Variants in NAV3 observed in about 807,000 individuals in gnomAD.
NAV3 encodes the protein neuron navigator 3.
NAV3 carries 87 observed loss-of-function variants against 244.7 expected under a neutral mutation model. The observed-to-expected ratio is 0.36, with a 90% CI of 0.30 to 0.42. The LOEUF (loss-of-function observed/expected upper bound fraction) is 0.42, where lower values mean the gene tolerates loss of function less well. Ranked by LOEUF, NAV3 falls within the 20% of genes least tolerant of loss-of-function variation. NAV3 has a pLI of 1.00. For missense variants in NAV3, 2,663 were observed against 2,893.3 expected (o/e 0.92, Z 1.83); for synonymous variants, 1,126 against 1,042.2 (o/e 1.08, Z -1.55).
chr12:77,983,059 G>A (rs547905730), intron 5 of NAV3, among the ~76,000 whole-genome samples: 92 of 152,292 alleles, frequency 6.0e-4, no homozygotes, highest in Non-Finnish European at 1.1e-3. Flanking sequence ...AGCATATAAT[G>A]AGAGAGAAGA....
intron 12 of NAV3, among the ~76,000 whole-genome samples, chr12:78,068,092 T>A (rs1885246846): frequency 6.6e-6 from 1 of 151,956 alleles, no homozygotes; most frequent in African/African-American, 2.4e-5. Flanking sequence ...ACATAAGTAT[T>A]GAGGACCTAG....
upstream of NAV3, among the ~76,000 whole-genome samples, chr12:77,827,801 T>A (rs1245476441): frequency 1.3e-5 from 2 of 152,196 alleles, no homozygotes; most frequent in Non-Finnish European, 2.9e-5. Context: ...GAATAATTAT[T>A]TTTTTACTCC....
chr12:77,637,016 G>A (rs1340218716), intron 2 of NAV3, among the ~76,000 whole-genome samples: 1 of 152,082 alleles, frequency 6.6e-6, no homozygotes, highest in East Asian at 1.9e-4. Context: ...GAGAGGGATA[G>A]CATTAGGAGA....
intron 2 of NAV3, among the ~76,000 whole-genome samples, chr12:77,794,722 G>A (rs1871329372): frequency 6.6e-6 from 1 of 152,152 alleles, no homozygotes; most frequent in Non-Finnish European, 1.5e-5. Flanking sequence ...AGATGTTGGT[G>A]ATACTCATGA....
At chr12:77,969,959 C>A (rs1006762107) in intron 5 of NAV3, among the ~76,000 whole-genome samples, 3 of 152,164 alleles carry the variant, frequency 2.0e-5, no homozygotes, top group Non-Finnish European at 2.9e-5. Flanking sequence ...AAAATATCTA[C>A]ATAGCAACAA....
At position 77,824,169 on chromosome 12, in the gene NAV3, G is replaced by A. The variant is rs575210945; in HGVS notation, c.73-116150G>A. ...GCTGACTGCAACCTCCGCCTCTCGG[G>A]TTCAAGTGATTCTCCTGTCTCAGCC... On this transcript the variant is annotated intron_variant, in intron 2 of 8. Coordinates refer to the NAV3 transcript ENST00000550042. Among the ~76,000 whole-genome samples, 73 of 151,874 alleles carry A rather than the reference G, an allele frequency of 4.8e-4. No homozygotes were observed. The Middle Eastern group carries it at 0.017, about 36-fold the overall frequency.
chr12:78,005,297 A>G (rs187786855), intron 7 of NAV3, among the ~76,000 whole-genome samples: 1 of 152,362 alleles, frequency 6.6e-6, no homozygotes, highest in East Asian at 1.9e-4. Context: ...GAGCTAGCCA[A>G]GGTTCTGAAA....
intron 2 of NAV3, among the ~76,000 whole-genome samples, chr12:77,618,931 T>C (rs996034944): frequency 2.6e-5 from 4 of 152,212 alleles, no homozygotes; most frequent in African/African-American, 4.8e-5. Flanking sequence ...TTCAGTTTCA[T>C]TGTCAGCATA....
chr12:77,712,279 A>G (rs1309342233), intron 2 of NAV3, among the ~76,000 whole-genome samples: 2 of 152,146 alleles, frequency 1.3e-5, no homozygotes, highest in Non-Finnish European at 1.5e-5. Flanking sequence ...GAAAGATTCT[A>G]CCATTTACAT....
At chr12:77,966,147 T>C (rs930653972) in intron 3 of NAV3, 82 bp from the exon 4 acceptor site, 2 of 1,129,216 alleles carry the variant, frequency 1.8e-6, no homozygotes, top group Middle Eastern at 2.1e-4. Flanking sequence ...TTCTTTATCG[T>C]TCTTTCTGGT....
chr12:77,903,736 A>G (rs973970506), intron 1 of NAV3, among the ~76,000 whole-genome samples: 1 of 152,246 alleles, frequency 6.6e-6, no homozygotes, highest in Non-Finnish European at 1.5e-5. Flanking sequence ...AATTTTTGCA[A>G]CCTACTCATC....
At chr12:77,774,269 C>T (rs531819683) in intron 2 of NAV3, among the ~76,000 whole-genome samples, 5 of 152,290 alleles carry the variant, frequency 3.3e-5, no homozygotes, top group Middle Eastern at 3.4e-3. Flanking sequence ...AAGTAAAGTG[C>T]CTTCCATTAT....
intron 2 of NAV3, among the ~76,000 whole-genome samples, chr12:77,582,109 G>T (rs79649216): frequency 0.17 from 26,557 of 152,148 alleles, 2,760 homozygotes; most frequent in Admixed American, 0.24. Context: ...TCACCAGGTT[G>T]CATCTTTTTA....
chr12:78,119,225 C>T lies in NAV3; in HGVS notation c.3041-12C>T, dbSNP rs755269635. ...TACAGGCACATATATTTGTGTATTTCTCCTTAATTAGGGAAAACCGATGAT... is the reference window on the plus strand; with the variant it reads ...TACAGGCACATATATTTGTGTATTTTTCCTTAATTAGGGAAAACCGATGAT... On this transcript the variant is annotated splice_polypyrimidine_tract_variant and intron_variant, in intron 14 of 39. Transcript: ENST00000397909. 3.1e-6 allele frequency: 5 copies of T among 1,603,116 alleles called. No homozygotes were observed. Among genetic ancestry groups the T allele is most frequent in the East Asian group, 2.2e-5 (1 of 44,818 alleles).
chr12:77,989,812 G>A (rs1871150241), intron 5 of NAV3, among the ~76,000 whole-genome samples: 1 of 152,004 alleles, frequency 6.6e-6, no homozygotes, highest in African/African-American at 2.4e-5. Flanking sequence ...GTTATACTTG[G>A]CAGATAAATT....
At chr12:77,931,156 A>G (rs1888745501) in intron 1 of NAV3, among the ~76,000 whole-genome samples, 1 of 151,798 alleles carries the variant, frequency 6.6e-6, no homozygotes, top group South Asian at 2.1e-4. Context: ...ATATTTTTCT[A>G]TTATTGCTCA....
chr12:77,620,337 T>C (rs1412048563), intron 2 of NAV3, among the ~76,000 whole-genome samples: 1 of 152,210 alleles, frequency 6.6e-6, no homozygotes, highest in Non-Finnish European at 1.5e-5. Context: ...TTTTTGATAA[T>C]CATGACGATG....
intron 3 of NAV3, among the ~76,000 whole-genome samples, chr12:77,962,035 A>C (rs1892075042): frequency 6.6e-6 from 1 of 152,090 alleles, no homozygotes; most frequent in South Asian, 2.1e-4. Context: ...ACTTGTTAGC[A>C]GCTTTTGATA....
intron 3 of NAV3, among the ~76,000 whole-genome samples, chr12:77,945,876 G>A (rs1280436109): frequency 2.0e-5 from 3 of 151,710 alleles, no homozygotes; most frequent in Non-Finnish European, 2.9e-5. Flanking sequence ...AGCCTCCTGA[G>A]TAGCTGGGAT....
Sources: allele counts gnomAD v4.1 joint callset (sites outside exome capture counted in the v4.1 genomes callset), GRCh38; gene constraint gnomAD v4.1.1; transcripts MANE v1.5; gene names NCBI Gene and HGNC (gene_info 2026-07-23, HGNC 2026-07-21).